CLIC6: variants seen among roughly 807,000 people sequenced by gnomAD.
CLIC6 encodes the protein CLIC family member 6, also known as chloride intracellular channel protein 6.
A neutral mutation model predicts 49.2 loss-of-function variants in CLIC6; 39 were observed. The ratio of observed to expected loss-of-function variants is 0.79; its 90% confidence interval spans 0.61 to 1.04. The LOEUF (loss-of-function observed/expected upper bound fraction) is 1.04. CLIC6 is among the 50% of genes least tolerant of loss of function. CLIC6 has a pLI of 0.00. For synonymous variants in CLIC6, 446 were observed against 433.4 expected (o/e 1.03, Z -0.36); for missense variants, 988 against 993.1 (o/e 0.99, Z 0.07).
chr21:34,670,338 A>G lies in CLIC6; in HGVS notation c.950A>G (p.Glu317Gly). Residue 317 changes from glutamate to glycine, a missense_variant, in exon 1 of 6, where the codon GAG becomes GGG. By Grantham distance (98) the Glu-to-Gly change is moderately conservative. Coordinates refer to ENST00000349499, the MANE Select transcript of CLIC6 (RefSeq NM_053277.3). ...GAGGCAATTGAGGTCGCAGCCGGGG[A>G]GAGTGCGGGGCGCAGCCCCGGTGAG... is the stretch of plus-strand genomic sequence containing the variant. ...QAEAIEVAAG[E>G]SAGRSPGELA... 6.9e-7 allele frequency: 1 copy of G among 1,450,074 alleles called. No individual in the cohort carries two copies. The highest frequency in any genetic ancestry group is 9.1e-7 in the Non-Finnish European group (1 of 1,102,300). The allele number at this position is 1,450,074 out of a possible 1,614,324, so 89.8% of individuals were successfully genotyped here. A position where few individuals can be genotyped will look rare whatever the true frequency, so the allele number is the denominator to read the frequency against.
At position 34,670,447 on chromosome 21, in the gene CLIC6, C is replaced by T. The variant is rs371157351; in HGVS notation, c.1059C>T (p.Asp353=). The T allele has an allele frequency of 9.6e-4, 1,405 of 1,470,154 alleles. 4 individuals carry two copies. The highest frequency in any genetic ancestry group is 1.1e-3 in the Non-Finnish European group (1,236 of 1,111,564). The allele number at this position is 1,470,154 out of a possible 1,614,324, so 91.1% of individuals were successfully genotyped here. A position where few individuals can be genotyped will look rare whatever the true frequency, so the allele number is the denominator to read the frequency against. The change falls in exon 1 of 6, where the codon GAC becomes GAT. Residue 353 remains aspartate (D), a synonymous_variant. Transcript: ENST00000349499. ...EEAAPGDARA[D]AGEDRVGDGP... is the part of the protein sequence containing the mutation. ...CGGCCCCCGGGGACGCAAGGGCAGA[C>T]GCTGGCGAGGACAGGGTAGGGGATG...
intron 5 of CLIC6, among the ~76,000 whole-genome samples, 165 bp downstream of exon 5, chr21:34,709,703 A>G (rs2056042808): frequency 1.3e-5 from 2 of 152,204 alleles, no homozygotes; most frequent in Non-Finnish European, 2.9e-5. Context: ...TTTCACACAC[A>G]CAGAAGATGG....
In CLIC6 at chr21:34,716,862, T is replaced by TCTCTCTCACACACACA; in HGVS notation, c.*381_*382insTCTCTCACACACACAC. ...CTCTCTCTCTCTCTCTCTCTCTCTA[T>TCTCTCTCACACACACA]CACACACACACACACACACACACAC... On this transcript the variant is annotated 3_prime_UTR_variant, in exon 6 of 6. Coordinates refer to ENST00000349499, the MANE Select transcript of CLIC6 (RefSeq NM_053277.3). The TCTCTCTCACACACACA allele has an allele frequency of 2.3e-5, 3 of 131,634 alleles. No individual in the cohort carries two copies. The highest frequency in any genetic ancestry group is 9.6e-5 in the African/African-American group (3 of 31,214). The allele number at this position is 131,634 out of a possible 1,614,324, so 8.2% of individuals were successfully genotyped here. A position where few individuals can be genotyped will look rare whatever the true frequency, so the allele number is the denominator to read the frequency against.
chr21:34,699,490 T>C (rs1183892144), intron 1 of CLIC6, among the ~76,000 whole-genome samples: 1 of 151,278 alleles, frequency 6.6e-6, no homozygotes, highest in Non-Finnish European at 1.5e-5. Context: ...TCTTGAACTC[T>C]TGAGCTCAAG....
chr21:34,681,597 GT>G (rs1989781939), intron 1 of CLIC6, among the ~76,000 whole-genome samples: 1 of 151,966 alleles, frequency 6.6e-6, no homozygotes, highest in South Asian at 2.1e-4. Context: ...CTCACATGTC[GT>G]TTGGCAGGAG....
chr21:34,687,313 G>A (rs1022749771), intron 1 of CLIC6, among the ~76,000 whole-genome samples: 5 of 152,090 alleles, frequency 3.3e-5, no homozygotes, highest in African/African-American at 7.2e-5. Flanking sequence ...AAACCACCGG[G>A]ATATATAAAA....
At chr21:34,713,885 C>A (rs2056071538) in intron 5 of CLIC6, among the ~76,000 whole-genome samples, 1 of 151,822 alleles carries the variant, frequency 6.6e-6, no homozygotes, top group African/African-American at 2.4e-5. Context: ...GTAATACCAA[C>A]AACAGTAATA....
At position 34,708,796 on chromosome 21, in the gene CLIC6, T is replaced by A; in HGVS notation, c.1707T>A (p.Asp569Glu). ...CGTTTATAAAAAACACGAAGAAGGATGCAAATGAGAGTGAGTACCTCCCAT... is the reference window on the plus strand; with the variant it reads ...CGTTTATAAAAAACACGAAGAAGGAAGCAAATGAGAGTGAGTACCTCCCAT... ...FSAFIKNTKK[D>E]ANEIHEKNLL... The change falls in exon 4 of 6, where the codon GAT (aspartate) becomes GAA (glutamate). Residue 569 changes from aspartate to glutamate, a missense_variant. Coordinates refer to ENST00000349499, the MANE Select transcript of CLIC6 (RefSeq NM_053277.3). 6.2e-7 allele frequency: 1 copy of A among 1,611,992 alleles called. No individual in the cohort carries two copies.
chr21:34,689,163 C>T (rs773425131), intron 1 of CLIC6, among the ~76,000 whole-genome samples: 40 of 152,336 alleles, frequency 2.6e-4, no homozygotes, highest in Non-Finnish European at 4.9e-4. Flanking sequence ...CTTGTTTCTT[C>T]CTCATGAACT....
chr21:34,710,585 G>A (rs201066600), intron 5 of CLIC6, among the ~76,000 whole-genome samples: 2 of 152,280 alleles, frequency 1.3e-5, no homozygotes, highest in East Asian at 1.9e-4. Flanking sequence ...AGGCCAAGGC[G>A]GGCAGGTCAC....
At chr21:34,700,087 C>T (rs1229493624) in intron 1 of CLIC6, among the ~76,000 whole-genome samples, 3 of 152,128 alleles carry the variant, frequency 2.0e-5, no homozygotes, top group African/African-American at 7.2e-5. Context: ...ACATACCTGG[C>T]CCCCAGGTGG....
chr21:34,714,139 C>T (rs2056072920), intron 5 of CLIC6, among the ~76,000 whole-genome samples: 1 of 152,062 alleles, frequency 6.6e-6, no homozygotes, highest in Admixed American at 6.6e-5. Context: ...AAATCATAAT[C>T]AAAGTAAGAA....
At chr21:34,708,915 T>A (rs2056036246) in intron 4 of CLIC6, 109 bp downstream of exon 4, 1 of 786,314 alleles carries the variant, frequency 1.3e-6, no homozygotes, top group African/African-American at 1.7e-5. Context: ...GGTAGAGAAG[T>A]GAGTCTGGAG....
rs555043568 is a variant in CLIC6 at position 34,707,108 on chromosome 21, C to T, written c.1375-172C>T. Among the ~76,000 whole-genome samples, 2 of 152,244 alleles carry T rather than the reference C, an allele frequency of 1.3e-5. 1 individual carries two copies. Among genetic ancestry groups the T allele is most frequent in the South Asian group, 4.1e-4 (2 of 4,822 alleles). ...GTGTGTGGTGTTCTCTCCCCTAACC[C>T]CTACATCCACCGCCAACTCCACATT... is the stretch of plus-strand genomic sequence containing the variant. On this transcript the variant is annotated intron_variant, in intron 1 of 5. Coordinates refer to ENST00000349499, the MANE Select transcript of CLIC6 (RefSeq NM_053277.3).
Position 34,670,254 on chromosome 21 carries a change from C to A in CLIC6, c.866C>A (p.Ala289Glu). The change falls in exon 1 of 6, where the codon GCG becomes GAG. Residue 289 changes from alanine to glutamate, a missense_variant. Ala to Glu is a moderately radical substitution (Grantham distance 107, BLOSUM62 -1). Coordinates refer to ENST00000349499, the MANE Select transcript of CLIC6 (RefSeq NM_053277.3). ...GACGCCGAGGGTCCGGCAGGAAGGG[C>A]GCGCCGGGTCTCGGGTGAGCCGCAG... is the stretch of plus-strand genomic sequence containing the variant. ...SMDAEGPAGR[A>E]RRVSGEPQQS... 1 of 1,429,170 alleles carries A rather than the reference C, an allele frequency of 7.0e-7. No homozygotes were observed. The highest frequency in any genetic ancestry group is 2.8e-5 in the East Asian group (1 of 36,114). 88.5% of individuals were successfully genotyped at this position (1,429,170 alleles called of 1,614,324 possible). A position where few individuals can be genotyped will look rare whatever the true frequency, so the allele number is the denominator to read the frequency against.
intron 1 of CLIC6, among the ~76,000 whole-genome samples, chr21:34,704,867 C>A (rs1207801013): frequency 6.6e-6 from 1 of 152,104 alleles, no homozygotes; most frequent in Non-Finnish European, 1.5e-5. Context: ...GAGCCCCGTG[C>A]AATATAATTA....
intron 1 of CLIC6, among the ~76,000 whole-genome samples, chr21:34,703,950 C>G (rs1336264755): frequency 1.3e-5 from 2 of 152,198 alleles, no homozygotes; most frequent in Non-Finnish European, 2.9e-5. Flanking sequence ...GCACCTAAGT[C>G]TTCGCTGGAA....
chr21:34,686,274 G>A (rs550311637), intron 1 of CLIC6, among the ~76,000 whole-genome samples: 5 of 152,242 alleles, frequency 3.3e-5, no homozygotes, highest in East Asian at 3.9e-4. Flanking sequence ...GGTGGCACTC[G>A]CCTGTAGTCT....
chr21:34,680,139 A>G (rs989965681), intron 1 of CLIC6, among the ~76,000 whole-genome samples: 36 of 152,214 alleles, frequency 2.4e-4, no homozygotes, highest in Non-Finnish European at 1.3e-4. Context: ...TGGCATTTCC[A>G]TATATCCTCT....
Sources: gnomAD v4.1 joint callset for allele counts (sites outside exome capture counted in the v4.1 genomes callset) on GRCh38, gnomAD v4.1.1 for gene constraint, MANE v1.5 for transcripts, NCBI Gene and HGNC (gene_info 2026-07-23, HGNC 2026-07-21) for gene names.